The following STX8 variants were observed in gnomAD, a reference collection of about 807,000 sequenced individuals.
The protein encoded by STX8 is syntaxin 8.
A neutral mutation model predicts 37.5 loss-of-function variants in STX8; 23 were observed. That is an observed-to-expected ratio of 0.61 (90% CI 0.44 to 0.87). The LOEUF (loss-of-function observed/expected upper bound fraction) is 0.87. Ranked by LOEUF, STX8 falls within the 40% of genes least tolerant of loss-of-function variation. The probability of loss-of-function intolerance (pLI) is 0.00; values close to 1 mark genes in which losing one functional copy is unlikely to be tolerated. For synonymous variants in STX8, 115 were observed against 99.1 expected (o/e 1.16, Z -0.95); for missense variants, 313 against 284.7 (o/e 1.10, Z -0.71).
intron 6 of STX8, among the ~76,000 whole-genome samples, chr17:9,480,297 A>G (rs1333141244): frequency 6.6e-6 from 1 of 152,206 alleles, no homozygotes; most frequent in East Asian, 1.9e-4. Flanking sequence ...AACAATTTGG[A>G]GAATGTACTG....
At chr17:9,375,974 A>G (rs1911567112) in intron 7 of STX8, among the ~76,000 whole-genome samples, 3 of 152,118 alleles carry the variant, frequency 2.0e-5, no homozygotes, top group Non-Finnish European at 4.4e-5. Context: ...TCACATACGT[A>G]TGGAAAGCTG....
intron 3 of STX8, among the ~76,000 whole-genome samples, chr17:9,547,813 A>G (rs896284587): frequency 7.2e-6 from 1 of 139,232 alleles, no homozygotes; most frequent in African/African-American, 2.8e-5. Context: ...TTTTGTTAAG[A>G]TGGAGTCTTG....
chr17:9,288,145 A>AAC (rs1567769204), intron 7 of STX8, among the ~76,000 whole-genome samples: 17 of 71,790 alleles, frequency 2.4e-4, no homozygotes, highest in African/African-American at 3.3e-4. Flanking sequence ...ACAAACAAAA[A>AAC]AAAAAAAAAC....
intron 1 of STX8, among the ~76,000 whole-genome samples, chr17:9,573,747 A>G (rs1208282022): frequency 6.6e-6 from 1 of 152,164 alleles, no homozygotes; most frequent in Non-Finnish European, 1.5e-5. Flanking sequence ...TCAACAGTCT[A>G]ATGAGAAAGC....
Position 9,444,157 on chromosome 17 carries a change from C to CTT in STX8, c.541+47671_541+47672insAA, listed in dbSNP as rs1160479207. On this transcript the variant is annotated intron_variant, in intron 6 of 7. Transcript: ENST00000306357. ...TTCGCACATTCTTCTCTCTTTCTCT[C>CTT]TCTCTCTCCTTTATAGAGACAGAGT... Among the ~76,000 whole-genome samples the CTT allele has an allele frequency of 5.6e-5, 8 of 142,656 alleles. No homozygotes were observed. The East Asian group carries it at 1.4e-3, about 24-fold the overall frequency. The allele number at this position is 142,656 out of a possible 152,430, so 93.6% of individuals were successfully genotyped here. A position where few individuals can be genotyped will look rare whatever the true frequency, so the allele number is the denominator to read the frequency against.
At chr17:9,498,625 G>A (rs1301050307) in intron 5 of STX8, among the ~76,000 whole-genome samples, 1 of 152,162 alleles carries the variant, frequency 6.6e-6, no homozygotes, top group African/African-American at 2.4e-5. Flanking sequence ...ATTCCCCAGT[G>A]TGAAATGGAG....
chr17:9,532,488 G>C (rs539861482), intron 4 of STX8, among the ~76,000 whole-genome samples: 16 of 151,998 alleles, frequency 1.1e-4, no homozygotes, highest in African/African-American at 3.9e-4. Context: ...CTTCTGGAAG[G>C]GCACACACAC....
At chr17:9,515,497 TC>T (rs1905136136) in intron 4 of STX8, among the ~76,000 whole-genome samples, 3 of 151,478 alleles carry the variant, frequency 2.0e-5, no homozygotes, top group African/African-American at 7.3e-5. Flanking sequence ...AGTCTTTCTC[TC>T]TCTCTCTCTC....
At chr17:9,428,885 C>T (rs1381799658) in intron 6 of STX8, among the ~76,000 whole-genome samples, 1 of 152,124 alleles carries the variant, frequency 6.6e-6, no homozygotes, top group African/African-American at 2.4e-5. Context: ...TAGTGGACAA[C>T]ACCGGTCTAT....
chr17:9,401,415 G>A (rs1912614894), intron 6 of STX8, among the ~76,000 whole-genome samples: 1 of 152,160 alleles, frequency 6.6e-6, no homozygotes, highest in Non-Finnish European at 1.5e-5. Context: ...TTTACAAATT[G>A]TTTATTGTCT....
intron 2 of STX8, among the ~76,000 whole-genome samples, chr17:9,563,556 T>C (rs1025316943): frequency 3.3e-5 from 5 of 151,610 alleles, no homozygotes; most frequent in Admixed American, 6.6e-5. Context: ...TACACACGCA[T>C]AGAGGCTTAT....
chr17:9,370,836 T>C (rs1911379662), intron 7 of STX8, among the ~76,000 whole-genome samples: 1 of 151,722 alleles, frequency 6.6e-6, no homozygotes, highest in Non-Finnish European at 1.5e-5. Flanking sequence ...TACTTTTATG[T>C]AAATGTCCTT....
chr17:9,368,166 A>G (rs980117960), intron 7 of STX8, among the ~76,000 whole-genome samples: 5 of 152,240 alleles, frequency 3.3e-5, no homozygotes, highest in South Asian at 2.1e-4. Flanking sequence ...TTAAATTACA[A>G]AAGTAATACA....
intron 6 of STX8, among the ~76,000 whole-genome samples, chr17:9,413,266 G>A (rs905969298): frequency 6.6e-6 from 1 of 152,204 alleles, no homozygotes; most frequent in East Asian, 1.9e-4. Context: ...AGGGCTAAGT[G>A]GGTCTTTTCA....
chr17:9,524,694 C>T (rs983555743), intron 4 of STX8, among the ~76,000 whole-genome samples: 10 of 152,114 alleles, frequency 6.6e-5, no homozygotes, highest in African/African-American at 2.2e-4. Context: ...CCTTGATTTG[C>T]TATTATTACA....
intron 7 of STX8, among the ~76,000 whole-genome samples, chr17:9,257,389 C>T (rs1267675746): frequency 2.0e-5 from 3 of 152,104 alleles, no homozygotes; most frequent in East Asian, 3.9e-4. Flanking sequence ...GAGCAAAATA[C>T]GGAGCTTGTG....
chr17:9,412,344 A>G (rs1421566973), intron 6 of STX8, among the ~76,000 whole-genome samples: 6 of 151,878 alleles, frequency 4.0e-5, no homozygotes, highest in East Asian at 1.9e-4. Flanking sequence ...CAATGGCACA[A>G]TCTCAGCTCA....
chr17:9,268,929 T>A (rs1277962526), intron 7 of STX8, among the ~76,000 whole-genome samples: 2 of 152,208 alleles, frequency 1.3e-5, no homozygotes, highest in Non-Finnish European at 2.9e-5. Context: ...GGCTCACGCC[T>A]GTAATCCCAG....
rs1413011347 is a variant in STX8, at chr17:9,387,551, C to T, written c.542-8898G>A. ...CTCATGATCCGCCCGCCTTGGCCTTCCAAAGTGCTGGGATTACAGGCGTGA... is the reference window on the plus strand; with the variant it reads ...CTCATGATCCGCCCGCCTTGGCCTTTCAAAGTGCTGGGATTACAGGCGTGA... On this transcript the variant is annotated intron_variant, in intron 6 of 7. Coordinates refer to ENST00000306357, the MANE Select transcript of STX8 (RefSeq NM_004853.3). Among the ~76,000 whole-genome samples the T allele has an allele frequency of 2.0e-5, 3 of 152,192 alleles. No homozygotes were observed. In the East Asian group the frequency reaches 5.8e-4, roughly 29 times the overall value.
Sources: gnomAD v4.1 joint callset for allele counts (sites outside exome capture counted in the v4.1 genomes callset) on GRCh38, gnomAD v4.1.1 for gene constraint, MANE v1.5 for transcripts, NCBI Gene and HGNC (gene_info 2026-07-23, HGNC 2026-07-21) for gene names.